The following ZSWIM6 variants were observed in gnomAD, a reference collection of about 807,000 sequenced individuals.
The protein encoded by ZSWIM6 is zinc finger SWIM-type containing 6.
Under a neutral mutation model 113.2 loss-of-function variants are expected in ZSWIM6, and 9 were observed. The observed-to-expected ratio is 0.08, with a 90% CI of 0.05 to 0.14. ZSWIM6 has a LOEUF of 0.14. Among genes scored for constraint, ZSWIM6 ranks in the 10% least tolerant of loss-of-function variants. The pLI, the probability that ZSWIM6 is intolerant of heterozygous loss-of-function variation, is 1.00. For synonymous variants in ZSWIM6, 611 were observed against 606.5 expected (o/e 1.01, Z -0.11); for missense variants, 1,162 against 1,552.2 (o/e 0.75, Z 4.22).
At chr5:61,447,641 T>A (rs1249756261) in intron 1 of ZSWIM6, among the ~76,000 whole-genome samples, 1 of 152,168 alleles carries the variant, frequency 6.6e-6, no homozygotes, top group Non-Finnish European at 1.5e-5. Context: ...TTAGGAGGGC[T>A]TCTAAGAATT....
At chr5:61,332,984 C>T (rs1744296875) in intron 1 of ZSWIM6, 36 bp downstream of exon 1, 2 of 1,150,124 alleles carry the variant, frequency 1.7e-6, no homozygotes, top group South Asian at 2.7e-5. Flanking sequence ...GTCTGTCCGT[C>T]CGTCAGTCCC....
intron 1 of ZSWIM6, among the ~76,000 whole-genome samples, chr5:61,357,400 C>T (rs1438324752): frequency 6.6e-6 from 1 of 152,116 alleles, no homozygotes; most frequent in African/African-American, 2.4e-5. Flanking sequence ...AGACTGAAAC[C>T]TCCTGGTAGG....
At chr5:61,485,387 C>A (rs1372839367) in intron 2 of ZSWIM6, among the ~76,000 whole-genome samples, 1 of 152,172 alleles carries the variant, frequency 6.6e-6, no homozygotes, top group African/African-American at 2.4e-5. Flanking sequence ...CATAGTATAT[C>A]CAGCTTCCTC....
chr5:61,384,165 C>G (rs866270646), intron 1 of ZSWIM6, among the ~76,000 whole-genome samples: 1 of 148,298 alleles, frequency 6.7e-6, no homozygotes, highest in Non-Finnish European at 1.5e-5. Flanking sequence ...GGCGTGAACC[C>G]GGGAAGCGGA....
chr5:61,529,662 C>G (rs1335871741), intron 7 of ZSWIM6, among the ~76,000 whole-genome samples: 1 of 152,124 alleles, frequency 6.6e-6, no homozygotes, highest in Non-Finnish European at 1.5e-5. Context: ...CTCTAATGCC[C>G]CCTCCTAGGG....
At chr5:61,474,080 A>C (rs1747645686) in intron 2 of ZSWIM6, among the ~76,000 whole-genome samples, 1 of 152,202 alleles carries the variant, frequency 6.6e-6, no homozygotes, top group Non-Finnish European at 1.5e-5. Flanking sequence ...AGAGGGCTCC[A>C]AGTACCCCCT....
At chr5:61,513,647 T>A (rs1424127140) in intron 4 of ZSWIM6, among the ~76,000 whole-genome samples, 1 of 152,120 alleles carries the variant, frequency 6.6e-6, no homozygotes, top group Non-Finnish European at 1.5e-5. Flanking sequence ...TGAGTTTTTT[T>A]ATAAAGTATA....
chr5:61,424,905 C>T (rs1042302242), intron 1 of ZSWIM6, among the ~76,000 whole-genome samples: 2 of 151,756 alleles, frequency 1.3e-5, no homozygotes, highest in Non-Finnish European at 2.9e-5. Flanking sequence ...TTTTTGTATT[C>T]TTAGTAGAGA....
chr5:61,494,112 C>G (rs1748256149), intron 3 of ZSWIM6, 148 bp from the exon 4 acceptor site: 3 of 865,418 alleles, frequency 3.5e-6, no homozygotes, highest in Non-Finnish European at 5.1e-6. Flanking sequence ...ATCTCCCCGC[C>G]TATCCTCCAC....
Position 61,545,470 on chromosome 5 carries a change from CAA to C in ZSWIM6, c.*1156_*1157del, listed in dbSNP as rs1245773621. 9.9e-5 allele frequency: 15 copies of C among 152,024 alleles called. 1 individual carries two copies. The highest frequency in any genetic ancestry group is 6.6e-4 in the Admixed American group (10 of 15,262). 9.4% of individuals were successfully genotyped at this position (152,024 alleles called of 1,614,324 possible). A position where few individuals can be genotyped will look rare whatever the true frequency, so the allele number is the denominator to read the frequency against. On this transcript the variant is annotated 3_prime_UTR_variant, in exon 14 of 14. Coordinates refer to ENST00000252744, the MANE Select transcript of ZSWIM6 (RefSeq NM_020928.2). ...ACTTAAAAGAAATATCCTTTTGACACAAAACACAAAATGTTTTCCAAAACAAT... is the reference window on the plus strand; with the variant it reads ...ACTTAAAAGAAATATCCTTTTGACACAACACAAAATGTTTTCCAAAACAAT...
chr5:61,463,933 C>T (rs536857966), intron 1 of ZSWIM6, among the ~76,000 whole-genome samples: 5 of 152,098 alleles, frequency 3.3e-5, no homozygotes, highest in South Asian at 2.1e-4. Context: ...AGCTTCTCAA[C>T]CCTAGCAGAG....
intron 1 of ZSWIM6, among the ~76,000 whole-genome samples, chr5:61,339,573 A>G (rs1362860373): frequency 6.6e-6 from 1 of 152,202 alleles, no homozygotes; most frequent in African/African-American, 2.4e-5. Context: ...CAGTGTTAGA[A>G]ATTTTTATAG....
intron 1 of ZSWIM6, among the ~76,000 whole-genome samples, chr5:61,385,610 A>G (rs1038223887): frequency 6.6e-6 from 1 of 152,198 alleles, no homozygotes; most frequent in African/African-American, 2.4e-5. Context: ...TTGGCATTCT[A>G]TCAATGTTAA....
chr5:61,365,705 G>C (rs1745135106), intron 1 of ZSWIM6, among the ~76,000 whole-genome samples: 1 of 152,106 alleles, frequency 6.6e-6, no homozygotes, highest in Non-Finnish European at 1.5e-5. Context: ...TTTGTCTAAT[G>C]GGCTCATCAC....
intron 1 of ZSWIM6, chr5:61,391,198 C>A: frequency 1.2e-6 from 1 of 850,962 alleles, no homozygotes; most frequent in South Asian, 1.3e-5. Flanking sequence ...GTAGCCATTG[C>A]CCTTGGTCAA....
rs11749200 is a variant in ZSWIM6, at chr5:61,535,754, T to G, written c.2381+135T>G. On this transcript the variant is annotated intron_variant, in intron 10 of 13. Transcript: ENST00000252744. ...AGAAACTATGTATTTATGCTTCCTG[T>G]ATTGTTGTGGAGGTGATTTGCTTGT... The G allele has an allele frequency of 0.37, 425,867 of 1,146,260 alleles. 82,093 individuals carry two copies. The highest frequency in any genetic ancestry group is 0.44 in the South Asian group (28,464 of 65,254). 71.0% of individuals were successfully genotyped at this position (1,146,260 alleles called of 1,614,324 possible).
chr5:61,384,278 C>T (rs1745549839), intron 1 of ZSWIM6, among the ~76,000 whole-genome samples: 1 of 150,662 alleles, frequency 6.6e-6, no homozygotes, highest in Non-Finnish European at 1.5e-5. Context: ...AAAATTTCTA[C>T]TGAGAAACAC....
intron 1 of ZSWIM6, among the ~76,000 whole-genome samples, chr5:61,446,832 A>G (rs557416540): frequency 5.3e-5 from 8 of 152,296 alleles, no homozygotes; most frequent in African/African-American, 1.9e-4. Context: ...AAACACTTCT[A>G]AACATGTACA....
chr5:61,441,828 C>T (rs374069242), intron 1 of ZSWIM6, among the ~76,000 whole-genome samples: 4 of 152,130 alleles, frequency 2.6e-5, no homozygotes, highest in African/African-American at 4.8e-5. Context: ...TAGCAGAGTC[C>T]GATGAACTGC....
Sources: allele counts gnomAD v4.1 joint callset (sites outside exome capture counted in the v4.1 genomes callset), GRCh38; gene constraint gnomAD v4.1.1; transcripts MANE v1.5; gene names NCBI Gene and HGNC (gene_info 2026-07-23, HGNC 2026-07-21).